TXNRD1: variants seen among roughly 807,000 people sequenced by gnomAD.
TXNRD1 encodes the protein thioredoxin reductase 1.
TXNRD1 carries 57 observed loss-of-function variants against 80.3 expected under a neutral mutation model. The ratio of observed to expected loss-of-function variants is 0.71; its 90% CI spans 0.57 to 0.89. The LOEUF (loss-of-function observed/expected upper bound fraction) is 0.89. Among genes scored for constraint, TXNRD1 ranks in the 40% least tolerant of loss-of-function variants. The probability of loss-of-function intolerance (pLI) is 0.00; values close to 1 mark genes in which losing one functional copy is unlikely to be tolerated. For synonymous variants in TXNRD1, 291 were observed against 285.2 expected (o/e 1.02, Z -0.20); for missense variants, 730 against 803.0 (o/e 0.91, Z 1.10).
Position 104,287,934 on chromosome 12 carries a change from G to A in TXNRD1, c.305-997G>A, listed in dbSNP as rs547690932. Among the ~76,000 whole-genome samples the A allele has an allele frequency of 6.6e-5, 10 of 152,274 alleles. No homozygotes were observed. The East Asian group carries it at 1.7e-3, about 26-fold the overall frequency. On this transcript the variant is annotated intron_variant, in intron 3 of 16. Coordinates refer to ENST00000525566, the MANE Select transcript of TXNRD1 (RefSeq NM_001093771.3). ...TATGTGAAGCAGTATAGACATGTTA[G>A]CTACTATTATTACAATTAAGCAGCT...
intron 4 of TXNRD1, among the ~76,000 whole-genome samples, chr12:104,292,973 G>C (rs142955007): frequency 3.3e-5 from 5 of 152,284 alleles, no homozygotes; most frequent in South Asian, 2.1e-4. Context: ...TGCAGCCAGG[G>C]CTTTTGTATG....
chr12:104,272,093 C>T (rs567248145), intron 3 of TXNRD1, among the ~76,000 whole-genome samples: 32 of 151,940 alleles, frequency 2.1e-4, no homozygotes, highest in Non-Finnish European at 3.8e-4. Context: ...GTTTCGGTGC[C>T]GCAAAAGAAA....
intron 1 of TXNRD1, among the ~76,000 whole-genome samples, chr12:104,219,556 C>T (rs2032302101): frequency 6.6e-6 from 1 of 152,182 alleles, no homozygotes; most frequent in South Asian, 2.1e-4. Context: ...TGGGTACACA[C>T]CACTTCAGGA....
intron 3 of TXNRD1, among the ~76,000 whole-genome samples, chr12:104,268,559 C>T (rs901248409): frequency 8.6e-5 from 13 of 151,938 alleles, no homozygotes; most frequent in African/African-American, 3.1e-4. Flanking sequence ...TCACTCTGTC[C>T]CCAGGCTGGA....
At chr12:104,261,187 G>T (rs1191233871) in intron 3 of TXNRD1, among the ~76,000 whole-genome samples, 1 of 151,172 alleles carries the variant, frequency 6.6e-6, no homozygotes, top group Non-Finnish European at 1.5e-5. Context: ...AATTGAGATG[G>T]AGTTTTGCTC....
chr12:104,272,129 T>C (rs1038355107), intron 3 of TXNRD1, among the ~76,000 whole-genome samples: 3 of 152,174 alleles, frequency 2.0e-5, no homozygotes, highest in Non-Finnish European at 4.4e-5. Flanking sequence ...AAGTTTTCTT[T>C]TGAATTCTCA....
At chr12:104,332,749 CA>C (rs34106883) in intron 14 of TXNRD1, among the ~76,000 whole-genome samples, 31,474 of 76,760 alleles carry the variant, frequency 0.41, 2,311 homozygotes, top group East Asian at 0.5. Flanking sequence ...AACTCCGTCT[CA>C]AAAAAAAAAA....
intron 4 of TXNRD1, among the ~76,000 whole-genome samples, chr12:104,300,580 G>A (rs990584544): frequency 6.6e-6 from 1 of 152,174 alleles, no homozygotes; most frequent in African/African-American, 2.4e-5. Context: ...AAGATTAACC[G>A]GCATGGAAAT....
chr12:104,256,480 G>A (rs2135709336), intron 2 of TXNRD1, among the ~76,000 whole-genome samples: 1 of 152,216 alleles, frequency 6.6e-6, no homozygotes, highest in South Asian at 2.1e-4. Flanking sequence ...ATCTAAAAGA[G>A]TTTAAGAAAA....
chr12:104,314,729 A>C (rs2035257843), intron 6 of TXNRD1, among the ~76,000 whole-genome samples: 1 of 149,072 alleles, frequency 6.7e-6, no homozygotes, highest in African/African-American at 2.5e-5. Context: ...TATACACCAA[A>C]ATTTTTTTCT....
At chr12:104,234,885 T>C (rs1267634517) in intron 1 of TXNRD1, among the ~76,000 whole-genome samples, 1 of 152,180 alleles carries the variant, frequency 6.6e-6, no homozygotes, top group Non-Finnish European at 1.5e-5. Context: ...CAATACCTCT[T>C]GATGACCCTC....
In TXNRD1 at chr12:104,286,511, A is replaced by G. The variant is rs531905117; in HGVS notation, c.305-2420A>G. On this transcript the variant is annotated intron_variant, in intron 3 of 16. Coordinates refer to ENST00000525566, the MANE Select transcript of TXNRD1 (RefSeq NM_001093771.3). ...AAAAGCCTAATAACTTCCTTTAGGG[A>G]ACTGCCAAACTGACTAATCCATGAC... 5.9e-5 allele frequency among the ~76,000 whole-genome samples: 9 copies of G among 152,256 alleles called. No homozygotes were observed. The South Asian group carries it at 1.9e-3, about 32-fold the overall frequency.
intron 16 of TXNRD1, 166 bp downstream of exon 16, chr12:104,339,439 C>G (rs769498994): frequency 1.1e-5 from 10 of 942,898 alleles, no homozygotes; most frequent in African/African-American, 1.6e-5. Context: ...ACTGATTGCT[C>G]ATGGTATGAA....
At chr12:104,335,039 A>G (rs2036086714) in intron 15 of TXNRD1, among the ~76,000 whole-genome samples, 4 of 152,176 alleles carry the variant, frequency 2.6e-5, no homozygotes, top group Admixed American at 2.6e-4. Flanking sequence ...CTAAGATTTC[A>G]TTGCCTGATG....
chr12:104,291,480 CTT>C (rs1161549363), intron 4 of TXNRD1, among the ~76,000 whole-genome samples: 16 of 98,416 alleles, frequency 1.6e-4, no homozygotes, highest in Admixed American at 1.1e-4. Context: ...CCGCACCCAG[CTT>C]TTTTTTTTTT....
At chr12:104,345,523 G>T (rs187656303) in intron 16 of TXNRD1, among the ~76,000 whole-genome samples, 5 of 152,314 alleles carry the variant, frequency 3.3e-5, no homozygotes, top group African/African-American at 9.6e-5. Context: ...GTGTGAGAGG[G>T]ATTCTCAGCG....
At position 104,302,725 on chromosome 12, in the gene TXNRD1, G is replaced by T. The variant is rs35781144; in HGVS notation, c.415-8565G>T. On this transcript the variant is annotated intron_variant, in intron 4 of 16. Transcript: ENST00000525566. ...AAGATGGTCTCGATCTCCTGACCTC[G>T]TGATCCGCCCGCCTCGGCCTCCCAA... Among the ~76,000 whole-genome samples, 8 of 152,110 alleles carry T rather than the reference G, an allele frequency of 5.3e-5. No individual in the cohort carries two copies. The East Asian group carries it at 1.6e-3, about 29-fold the overall frequency.
At chr12:104,305,732 A>G (rs575242496) in intron 4 of TXNRD1, among the ~76,000 whole-genome samples, 2 of 152,314 alleles carry the variant, frequency 1.3e-5, no homozygotes, top group African/African-American at 2.4e-5. Context: ...AAACTATTAT[A>G]CATTGAACAC....
intron 3 of TXNRD1, among the ~76,000 whole-genome samples, chr12:104,274,477 C>T (rs570226026): frequency 1.3e-5 from 2 of 152,000 alleles, no homozygotes; most frequent in Admixed American, 1.3e-4. Context: ...GGGTGGATCG[C>T]CTGAGTTCAG....
Sources: allele counts gnomAD v4.1 joint callset (sites outside exome capture counted in the v4.1 genomes callset), GRCh38; gene constraint gnomAD v4.1.1; transcripts MANE v1.5; gene names NCBI Gene and HGNC (gene_info 2026-07-23, HGNC 2026-07-21).